Variants in EHMT1 observed in about 807,000 individuals in gnomAD.
EHMT1 encodes euchromatic histone lysine methyltransferase 1.
Under a neutral mutation model 147.2 loss-of-function variants are expected in EHMT1, and 15 were observed. That is an observed-to-expected ratio of 0.10 (90% CI 0.07 to 0.16). EHMT1 has a LOEUF of 0.16. Among genes scored for constraint, EHMT1 ranks in the 10% least tolerant of loss-of-function variants. The probability of loss-of-function intolerance (pLI) is 1.00; values close to 1 mark genes in which losing one functional copy is unlikely to be tolerated. For synonymous variants in EHMT1, 795 were observed against 709.6 expected, an observed-to-expected ratio of 1.12 and a Z score of -1.91; for missense variants, 1,587 against 1,772.4, an observed-to-expected ratio of 0.90 and a Z score of 1.88.
chr9:137,732,726 C>G lies in EHMT1; in HGVS notation c.823+4197C>G, dbSNP rs73572126. On this transcript the variant is annotated intron_variant, in intron 4 of 26. Coordinates refer to ENST00000460843, the MANE Select transcript of EHMT1 (RefSeq NM_024757.5). This position sits in a 1 kb window ranked among gnomAD's most constrained non-coding sequence, Gnocchi z 4.6. ...CTTTGGCTTGAAGGTCAGGTTTCACCGGGGACCTGCTCCTATCTGCCTAGG... is the reference window on the plus strand; with the variant it reads ...CTTTGGCTTGAAGGTCAGGTTTCACGGGGGACCTGCTCCTATCTGCCTAGG... Among the ~76,000 whole-genome samples the G allele has an allele frequency of 2.0e-5, 3 of 152,022 alleles. No individual in the cohort carries two copies. Among genetic ancestry groups the G allele is most frequent in the African/African-American group, 7.3e-5 (3 of 41,370 alleles).
intron 19 of EHMT1, 147 bp downstream of exon 19, chr9:137,811,762 C>T: frequency 9.2e-7 from 1 of 1,091,308 alleles, no homozygotes; most frequent in Middle Eastern, 2.6e-4. Context: ...CCTTGGTGTT[C>T]CACACGCAGA....
intron 1 of EHMT1, among the ~76,000 whole-genome samples, chr9:137,707,014 G>T (rs1425919717): frequency 1.3e-5 from 2 of 151,902 alleles, no homozygotes; most frequent in Admixed American, 1.3e-4. Flanking sequence ...TAGTAGAGAC[G>T]GGGTTTCGCC....
intron 3 of EHMT1, among the ~76,000 whole-genome samples, chr9:137,726,534 G>A (rs1946647717): frequency 6.8e-6 from 1 of 146,584 alleles, no homozygotes; most frequent in Admixed American, 6.6e-5. Context: ...GCCGACCCTC[G>A]GGTGGCTTCC....
intron 1 of EHMT1, among the ~76,000 whole-genome samples, chr9:137,647,855 C>T (rs780243433): frequency 2.6e-5 from 4 of 152,116 alleles, no homozygotes; most frequent in Admixed American, 6.5e-5. Context: ...CCTCGGCCTC[C>T]CAAGGTGTTG....
intron 3 of EHMT1, among the ~76,000 whole-genome samples, chr9:137,724,971 TTC>T (rs1228893389): frequency 1.1e-4 from 13 of 114,088 alleles, no homozygotes; most frequent in African/African-American, 1.0e-3. Flanking sequence ...TCATGGGGCA[TTC>T]GTGTGGCAGA....
intron 1 of EHMT1, among the ~76,000 whole-genome samples, chr9:137,641,785 G>A (rs1002642973): frequency 2.6e-5 from 4 of 152,094 alleles, no homozygotes; most frequent in African/African-American, 7.2e-5. Flanking sequence ...GGACCCAAGG[G>A]CCTCCTTGCT....
intron 1 of EHMT1, among the ~76,000 whole-genome samples, chr9:137,632,990 G>A (rs867954876): frequency 5.9e-5 from 9 of 152,326 alleles, no homozygotes; most frequent in Middle Eastern, 3.4e-3. Context: ...AGAACGGATT[G>A]TAGACGGATG....
intron 1 of EHMT1, among the ~76,000 whole-genome samples, chr9:137,701,286 T>C (rs1943801352): frequency 1.4e-5 from 2 of 146,038 alleles, no homozygotes; most frequent in South Asian, 2.2e-4. Flanking sequence ...TTTTTTTTTT[T>C]CTCTTGTTTT....
At chr9:137,817,607 C>G in intron 24 of EHMT1, 82 bp downstream of exon 24, 1 of 1,570,586 alleles carries the variant, frequency 6.4e-7, no homozygotes, top group Non-Finnish European at 8.7e-7. Flanking sequence ...CAGGAAGCCC[C>G]TCTGGGAGCA....
chr9:137,660,036 C>T (rs567310631), intron 1 of EHMT1, among the ~76,000 whole-genome samples: 5 of 151,780 alleles, frequency 3.3e-5, no homozygotes, highest in African/African-American at 7.3e-5. Flanking sequence ...AGCAGGGATT[C>T]GATTTCATCT....
intron 1 of EHMT1, among the ~76,000 whole-genome samples, chr9:137,678,071 AAATAATAAT>A (rs71387855): frequency 4.0e-5 from 6 of 151,848 alleles, no homozygotes; most frequent in Non-Finnish European, 8.8e-5. Context: ...TCCGTCTCAA[AAATAATAAT>A]AATAATAATA....
At chr9:137,668,103 G>T (rs1939887222) in intron 1 of EHMT1, among the ~76,000 whole-genome samples, 1 of 152,160 alleles carries the variant, frequency 6.6e-6, no homozygotes, top group African/African-American at 2.4e-5. Flanking sequence ...GGCAGGACCA[G>T]TGGGGAGGCA....
In EHMT1 at chr9:137,769,098, A is replaced by T. The variant is rs576942223; in HGVS notation, c.1648-6011A>T. ...TTGAATGGTTTCCCTGGAGTGTACA[A>T]TACACATCTTTAATTTATCACAGTC... On this transcript the variant is annotated intron_variant, in intron 10 of 26. Coordinates refer to ENST00000460843, the MANE Select transcript of EHMT1 (RefSeq NM_024757.5). Among the ~76,000 whole-genome samples the T allele has an allele frequency of 1.1e-4, 17 of 152,334 alleles. No individual in the cohort carries two copies. The South Asian group carries it at 3.5e-3, about 32-fold the overall frequency.
chr9:137,669,716 G>GT (rs1232733377), intron 1 of EHMT1, among the ~76,000 whole-genome samples: 2 of 151,276 alleles, frequency 1.3e-5, no homozygotes, highest in African/African-American at 2.4e-5. Flanking sequence ...CTTTGCTTTT[G>GT]TTTTTTCTCT....
intron 10 of EHMT1, among the ~76,000 whole-genome samples, chr9:137,768,527 G>GTTTTTT (rs1564725367): frequency 3.6e-5 from 1 of 28,142 alleles, no homozygotes; most frequent in Non-Finnish European, 7.8e-5. Flanking sequence ...CTAATTTTTT[G>GTTTTTT]TATTTTTTTT....
At chr9:137,728,673 G>A (rs1243122468) in intron 4 of EHMT1, 144 bp downstream of exon 4, 12 of 1,050,760 alleles carry the variant, frequency 1.1e-5, no homozygotes, top group South Asian at 2.7e-5. Flanking sequence ...TCCTGTGCTC[G>A]CCTGTATGCC....
At chr9:137,781,509 G>T (rs1440840177) in intron 14 of EHMT1, among the ~76,000 whole-genome samples, 1 of 152,204 alleles carries the variant, frequency 6.6e-6, no homozygotes, top group Non-Finnish European at 1.5e-5. Context: ...GGCAGTCGAT[G>T]TTTCACCTGT....
At chr9:137,820,559 TA>T (rs1285856056) in intron 25 of EHMT1, among the ~76,000 whole-genome samples, 4 of 152,266 alleles carry the variant, frequency 2.6e-5, no homozygotes, top group African/African-American at 7.2e-5. Context: ...GTCTTAGTGA[TA>T]TTTTTTTGAA....
At chr9:137,740,977 T>G (rs1948007463) in intron 4 of EHMT1, among the ~76,000 whole-genome samples, 1 of 103,270 alleles carries the variant, frequency 9.7e-6, no homozygotes, top group South Asian at 2.3e-4. Context: ...CCCGACATGA[T>G]TTTTTTTTTG....
Sources: gnomAD v4.1 joint callset for allele counts (sites outside exome capture counted in the v4.1 genomes callset) on GRCh38, gnomAD v4.1.1 for gene constraint, Gnocchi (gnomAD v3.1) non-coding constraint, MANE v1.5 for transcripts, NCBI Gene and HGNC (gene_info 2026-07-23, HGNC 2026-07-21) for gene names.